EBF1: variants seen among roughly 807,000 people sequenced by gnomAD.
EBF1 encodes transcription factor COE1.
Under a neutral mutation model 68.4 loss-of-function variants are expected in EBF1, and 10 were observed. The observed-to-expected ratio is 0.15, with a 90% CI of 0.09 to 0.25. The LOEUF is 0.25. Ranked by LOEUF, EBF1 falls within the 10% of genes least tolerant of loss-of-function variation. The probability of loss-of-function intolerance (pLI) is 1.00; values close to 1 mark genes in which losing one functional copy is unlikely to be tolerated. For synonymous variants in EBF1, 298 were observed against 299.8 expected, an observed-to-expected ratio of 0.99 and a Z score of 0.06; for missense variants, 509 against 794.4, an observed-to-expected ratio of 0.64 and a Z score of 4.32.
At chr5:158,991,485 CAT>C (rs1447640667) in intron 6 of EBF1, among the ~76,000 whole-genome samples, 7 of 152,176 alleles carry the variant, frequency 4.6e-5, no homozygotes, top group South Asian at 4.1e-4. Context: ...AACACTACCA[CAT>C]GTTTTGCCAC....
In EBF1 at chr5:158,696,279, G is replaced by T. The variant is rs1755743378; in HGVS notation, c.*2832C>A. ...GTATTTAGGGGAACATCTTTTATTT[G>T]TAAAACTTTTGTGGAGAAGAAAGAG... On this transcript the variant is annotated 3_prime_UTR_variant, in exon 16 of 16. Transcript: ENST00000313708. 1 of 219,132 alleles carries T rather than the reference G, an allele frequency of 4.6e-6. No individual in the cohort carries two copies. Among genetic ancestry groups the T allele is most frequent in the East Asian group, 6.7e-5 (1 of 14,958 alleles). 13.6% of individuals were successfully genotyped at this position (219,132 alleles called of 1,614,324 possible).
intron 10 of EBF1, among the ~76,000 whole-genome samples, chr5:158,744,800 G>A (rs4704953): frequency 0.23 from 35,632 of 152,088 alleles, 4,390 homozygotes; most frequent in Admixed American, 0.27. Context: ...CACATTCACC[G>A]GAAACAACTA....
intron 5 of EBF1, among the ~76,000 whole-genome samples, chr5:159,081,495 G>A (rs1457373344): frequency 2.6e-5 from 4 of 152,214 alleles, no homozygotes. Context: ...GATAAAAGAG[G>A]ACCACTGTTT....
Position 159,099,539 on chromosome 5 carries a change from AAAGGAAAGAAAAG to A in EBF1, c.-74_-62del, listed in dbSNP as rs1175726842. The A allele has an allele frequency of 1.7e-5, 24 of 1,419,450 alleles. No individual in the cohort carries two copies. The East Asian group carries it at 4.6e-4, about 27-fold the overall frequency. 87.9% of individuals were successfully genotyped at this position (1,419,450 alleles called of 1,614,324 possible). A position where few individuals can be genotyped will look rare whatever the true frequency, so the allele number is the denominator to read the frequency against. ...CTTGAAAAAAATTAAAAAAAAAAAA[AAAGGAAAGAAAAG>A]AAAGAAAAGAAAAGAAACAAAAACG... On this transcript the variant is annotated 5_prime_UTR_variant, in exon 1 of 16. Transcript: ENST00000313708.
intron 6 of EBF1, among the ~76,000 whole-genome samples, chr5:158,984,552 T>A (rs1245550672): frequency 2.6e-5 from 4 of 152,188 alleles, no homozygotes; most frequent in African/African-American, 9.7e-5. Flanking sequence ...ATTGTTCTGA[T>A]TACATCAATG....
chr5:158,739,961 C>T (rs1300487937), intron 10 of EBF1, among the ~76,000 whole-genome samples: 1 of 152,194 alleles, frequency 6.6e-6, no homozygotes, highest in Non-Finnish European at 1.5e-5. Flanking sequence ...TTTAACACAT[C>T]TTGTTTTCAA....
chr5:158,720,966 G>A (rs113274500), intron 11 of EBF1, among the ~76,000 whole-genome samples: 16 of 152,268 alleles, frequency 1.1e-4, no homozygotes, highest in African/African-American at 3.1e-4. Flanking sequence ...TCTAGCTAGC[G>A]CATACTTTTT....
intron 6 of EBF1, among the ~76,000 whole-genome samples, chr5:158,868,565 G>A (rs577021669): frequency 6.6e-6 from 1 of 152,278 alleles, no homozygotes; most frequent in African/African-American, 2.4e-5. Flanking sequence ...GTGAAGAAAG[G>A]GCAGTGCTTT....
At chr5:158,917,259 C>A (rs993474901) in intron 6 of EBF1, among the ~76,000 whole-genome samples, 5 of 152,184 alleles carry the variant, frequency 3.3e-5, no homozygotes, top group East Asian at 1.9e-4. Context: ...GTCTTTGAAC[C>A]ATTTAGATCC....
At chr5:158,829,895 A>T (rs111672628) in intron 7 of EBF1, among the ~76,000 whole-genome samples, 3 of 152,166 alleles carry the variant, frequency 2.0e-5, no homozygotes, top group South Asian at 4.1e-4. Context: ...ATACTGAAAT[A>T]TTCAGTTAAC....
intron 10 of EBF1, among the ~76,000 whole-genome samples, chr5:158,751,423 C>A (rs1257961833): frequency 6.6e-6 from 1 of 152,040 alleles, no homozygotes; most frequent in Non-Finnish European, 1.5e-5. Context: ...CACTTACAGG[C>A]AGAGTAAGCT....
intron 7 of EBF1, among the ~76,000 whole-genome samples, chr5:158,838,116 A>G (rs1391786682): frequency 6.6e-6 from 1 of 152,168 alleles, no homozygotes; most frequent in East Asian, 1.9e-4. Context: ...TTGAAGTCAG[A>G]TGACCGGAGG....
intron 7 of EBF1, among the ~76,000 whole-genome samples, chr5:158,837,267 C>A (rs1205242838): frequency 1.3e-5 from 2 of 152,124 alleles, no homozygotes; most frequent in Non-Finnish European, 1.5e-5. Context: ...TGGGGGCACC[C>A]CCCATGATTG....
At chr5:158,709,879 G>A (rs1297757539) in intron 14 of EBF1, among the ~76,000 whole-genome samples, 1 of 152,150 alleles carries the variant, frequency 6.6e-6, no homozygotes, top group Non-Finnish European at 1.5e-5. Context: ...GTTCACTGAG[G>A]AAGGCAATTA....
chr5:159,063,906 G>C (rs1047970572), intron 6 of EBF1, among the ~76,000 whole-genome samples: 3 of 152,284 alleles, frequency 2.0e-5, no homozygotes, highest in Admixed American at 6.5e-5. Flanking sequence ...CCATTTTGAA[G>C]ATGAGAAAAC....
chr5:158,997,839 T>C (rs961980042), intron 6 of EBF1, among the ~76,000 whole-genome samples: 1 of 152,196 alleles, frequency 6.6e-6, no homozygotes, highest in Non-Finnish European at 1.5e-5. Flanking sequence ...GCTCATGTTC[T>C]TGCAGCGTCA....
chr5:158,699,267 A>G, intron 15 of EBF1, 125 bp from the exon 16 acceptor site: 1 of 897,500 alleles, frequency 1.1e-6, no homozygotes, highest in Non-Finnish European at 1.6e-6. Flanking sequence ...TTAGCCACAA[A>G]TTTGCTCTCA....
At chr5:158,917,109 A>C (rs1214609697) in intron 6 of EBF1, among the ~76,000 whole-genome samples, 1 of 152,226 alleles carries the variant, frequency 6.6e-6, no homozygotes, top group African/African-American at 2.4e-5. Flanking sequence ...TCTATAATAA[A>C]AACTGTTAGC....
At chr5:159,010,086 G>A (rs767607850) in intron 6 of EBF1, among the ~76,000 whole-genome samples, 1 of 152,198 alleles carries the variant, frequency 6.6e-6, no homozygotes, top group Admixed American at 6.5e-5. Flanking sequence ...TGCCAGGTGA[G>A]CATGAAAGTA....
Sources: gnomAD v4.1 joint callset for allele counts (sites outside exome capture counted in the v4.1 genomes callset) on GRCh38, gnomAD v4.1.1 for gene constraint, MANE v1.5 for transcripts, NCBI Gene and HGNC (gene_info 2026-07-23, HGNC 2026-07-21) for gene names.